NRXN3: variants seen among roughly 807,000 people sequenced by gnomAD.
NRXN3 encodes neurexin 3, also known as neurexin III.
Under a neutral mutation model 137.6 loss-of-function variants are expected in NRXN3, and 32 were observed. That is an observed-to-expected ratio of 0.23 (90% CI 0.18 to 0.31). The LOEUF (loss-of-function observed/expected upper bound fraction) is 0.31. Among genes scored for constraint, NRXN3 ranks in the 10% least tolerant of loss-of-function variants. The pLI is 1.00. For missense variants in NRXN3, 1,574 were observed against 2,062.5 expected (o/e 0.76, Z 4.59); for synonymous variants, 798 against 784.5 (o/e 1.02, Z -0.29).
intron 15 of NRXN3, among the ~76,000 whole-genome samples, chr14:79,140,033 T>C (rs575438075): frequency 4.4e-4 from 67 of 151,844 alleles, no homozygotes; most frequent in Non-Finnish European, 8.8e-4. Flanking sequence ...AAAAATTATT[T>C]TGTTCATTTG....
At chr14:79,227,263 C>G (rs2071105176) in intron 15 of NRXN3, among the ~76,000 whole-genome samples, 1 of 152,142 alleles carries the variant, frequency 6.6e-6, no homozygotes, top group South Asian at 2.1e-4. Context: ...TTCTGATGCT[C>G]AAGGGCCCTG....
At chr14:78,598,556 T>G (rs954830091) in intron 4 of NRXN3, among the ~76,000 whole-genome samples, 3 of 152,232 alleles carry the variant, frequency 2.0e-5, no homozygotes, top group Non-Finnish European at 4.4e-5. Flanking sequence ...GGGTCTGCTC[T>G]CGCAGTCACA....
chr14:79,424,378 AG>A (rs1466846113), intron 15 of NRXN3, among the ~76,000 whole-genome samples: 7 of 152,200 alleles, frequency 4.6e-5, no homozygotes, highest in Non-Finnish European at 8.8e-5. Flanking sequence ...ATTGGTTTTA[AG>A]GGTTGGAGAA....
chr14:79,406,407 T>A (rs1190183475), intron 15 of NRXN3, among the ~76,000 whole-genome samples: 1 of 152,012 alleles, frequency 6.6e-6, no homozygotes, highest in Non-Finnish European at 1.5e-5. Context: ...TGGGCTCAGA[T>A]CCTTCCACCT....
chr14:78,824,187 G>A (rs970503691), intron 10 of NRXN3, among the ~76,000 whole-genome samples: 32 of 151,298 alleles, frequency 2.1e-4, no homozygotes, highest in Non-Finnish European at 4.4e-4. Flanking sequence ...TAAGGAAGGG[G>A]TATACTGAGG....
rs1322195552 is a variant in NRXN3, at chr14:79,864,564, AC to A, written c.*2601del. The A allele has an allele frequency of 3.3e-5, 5 of 152,518 alleles. No individual in the cohort carries two copies. The highest frequency in any genetic ancestry group is 2.1e-4 in the South Asian group (1 of 4,824). 9.4% of individuals were successfully genotyped at this position (152,518 alleles called of 1,614,324 possible). On this transcript the variant is annotated 3_prime_UTR_variant, in exon 21 of 21. Transcript: ENST00000335750. ...ATATTCTAAGCAGTTACTAATTATT[AC>A]ATTATCAAAATGCCATATTTATGAG...
At chr14:78,661,333 A>C (rs1364496116) in intron 6 of NRXN3, among the ~76,000 whole-genome samples, 1 of 152,236 alleles carries the variant, frequency 6.6e-6, no homozygotes, top group Non-Finnish European at 1.5e-5. Context: ...CATCTAGCTA[A>C]ATAGCAGCAA....
intron 15 of NRXN3, among the ~76,000 whole-genome samples, chr14:79,295,314 G>A (rs1210716338): frequency 6.6e-6 from 1 of 151,810 alleles, no homozygotes; most frequent in Non-Finnish European, 1.5e-5. Context: ...CAACTTCAAT[G>A]TTATCCCCTC....
At chr14:79,655,079 C>T (rs1326931224) in intron 16 of NRXN3, among the ~76,000 whole-genome samples, 1 of 152,156 alleles carries the variant, frequency 6.6e-6, no homozygotes, top group African/African-American at 2.4e-5. Flanking sequence ...CTGTTCAGAG[C>T]TGATCATGCA....
At chr14:78,176,843 G>A (rs2059319202) in intron 1 of NRXN3, among the ~76,000 whole-genome samples, 1 of 152,064 alleles carries the variant, frequency 6.6e-6, no homozygotes, top group African/African-American at 2.4e-5. Flanking sequence ...TCAGAGGGGA[G>A]TGAGGTCTTG....
chr14:79,673,983 C>T (rs185752893), intron 17 of NRXN3, among the ~76,000 whole-genome samples: 3 of 152,088 alleles, frequency 2.0e-5, no homozygotes, highest in East Asian at 3.9e-4. Context: ...CCAAAGCTCC[C>T]GTACGCTGCC....
chr14:79,572,350 G>C (rs2097614045), intron 16 of NRXN3, among the ~76,000 whole-genome samples: 1 of 152,080 alleles, frequency 6.6e-6, no homozygotes, highest in Non-Finnish European at 1.5e-5. Context: ...GAAATATTTG[G>C]AATGTTTAGT....
intron 2 of NRXN3, among the ~76,000 whole-genome samples, chr14:78,261,974 A>G (rs1377422848): frequency 6.6e-6 from 1 of 152,222 alleles, no homozygotes; most frequent in African/African-American, 2.4e-5. Context: ...TATGGAAAAC[A>G]TAAACCAATA....
At chr14:79,437,807 T>C (rs996595556) in intron 15 of NRXN3, among the ~76,000 whole-genome samples, 3 of 152,154 alleles carry the variant, frequency 2.0e-5, no homozygotes, top group South Asian at 2.1e-4. Flanking sequence ...CCACATACAA[T>C]CTCTGTGATC....
intron 4 of NRXN3, among the ~76,000 whole-genome samples, chr14:78,388,817 C>A (rs1188047069): frequency 6.6e-6 from 1 of 152,098 alleles, no homozygotes; most frequent in Non-Finnish European, 1.5e-5. Flanking sequence ...CCTTCCCAAT[C>A]ATTAAGTTTT....
intron 6 of NRXN3, among the ~76,000 whole-genome samples, chr14:78,687,313 G>A (rs1451340088): frequency 6.6e-6 from 1 of 152,188 alleles, no homozygotes; most frequent in East Asian, 1.9e-4. Flanking sequence ...TATGGAGGGT[G>A]GAGTATGGTG....
At position 78,527,939 on chromosome 14, in the gene NRXN3, A is replaced by G. The variant is rs17107813; in HGVS notation, c.758-117181A>G. Reference sequence around the variant, plus strand: ...ATCAAGAAGAATTAAACATTTAAAAAAGATGTGCAGTAATTGGTAGGGAAG... The same window carrying G: ...ATCAAGAAGAATTAAACATTTAAAAGAGATGTGCAGTAATTGGTAGGGAAG... On this transcript the variant is annotated intron_variant, in intron 4 of 20. Coordinates refer to ENST00000335750, the MANE Select transcript of NRXN3 (RefSeq NM_001330195.2). 4.7e-3 allele frequency among the ~76,000 whole-genome samples: 721 copies of G among 152,342 alleles called. 41 individuals are homozygous for G. The East Asian group carries it at 0.096, about 20-fold the overall frequency.
Position 79,709,688 on chromosome 14 carries a change from A to G in NRXN3, c.4014+11751A>G, listed in dbSNP as rs149353862. Among the ~76,000 whole-genome samples, 12 of 152,176 alleles carry G rather than the reference A, an allele frequency of 7.9e-5. No homozygotes were observed. In the East Asian group the frequency reaches 2.3e-3, roughly 29 times the overall value. The stretch of plus-strand genomic sequence containing the variant: ...TCCTCCCGGATACTGAGAGAGACAC[A>G]TATTCATGCACCCACAACTCACACT... On this transcript the variant is annotated intron_variant, in intron 19 of 20. Coordinates refer to ENST00000335750, the MANE Select transcript of NRXN3 (RefSeq NM_001330195.2).
At chr14:78,217,889 G>C (rs1455349036) in intron 1 of NRXN3, among the ~76,000 whole-genome samples, 2 of 152,152 alleles carry the variant, frequency 1.3e-5, no homozygotes, top group East Asian at 3.9e-4. Flanking sequence ...TTGAATTCCT[G>C]ACCTCAAGTA....
Sources: allele counts gnomAD v4.1 joint callset (sites outside exome capture counted in the v4.1 genomes callset), GRCh38; gene constraint gnomAD v4.1.1; transcripts MANE v1.5; gene names NCBI Gene and HGNC (gene_info 2026-07-23, HGNC 2026-07-21).